The following KLF8 variants were observed in gnomAD, a reference collection of about 807,000 sequenced individuals.
KLF8 encodes KLF transcription factor 8.
Under a neutral mutation model 18.2 loss-of-function variants are expected in KLF8, and 10 were observed. That is an observed-to-expected ratio of 0.55 (90% CI 0.34 to 0.93). The LOEUF (loss-of-function observed/expected upper bound fraction) is 0.93. KLF8 is among the 40% of genes least tolerant of loss of function. The pLI, the probability that KLF8 is intolerant of heterozygous loss-of-function variation, is 0.02. For missense variants in KLF8, 264 were observed against 277.9 expected, an observed-to-expected ratio of 0.95 and a Z score of 0.36; for synonymous variants, 109 against 97.3, an observed-to-expected ratio of 1.12 and a Z score of -0.71.
chrX:56,106,425 C>CT, the KLF8 span, among the ~76,000 whole-genome samples: 1 of 111,655 alleles, frequency 9.0e-6, no homozygotes, highest in East Asian at 2.8e-4. Context: ...GTTTTTACCC[C>CT]TTTTTCTCTA....
At chrX:56,269,163 C>T (rs776903529) in intron 3 of KLF8, 57 of 997,813 alleles carry the variant, frequency 5.7e-5, no homozygotes, top group Non-Finnish European at 7.0e-5. Context: ...ACTACTCTTA[C>T]TTTAAAGGCA....
At chrX:55,995,687 A>G in the KLF8 span, among the ~76,000 whole-genome samples, 1 of 112,358 alleles carries the variant, frequency 8.9e-6, no homozygotes, top group Non-Finnish European at 1.9e-5. Context: ...TCCTTTCATT[A>G]AGAATGTCTA....
At chrX:55,983,801 A>G in the KLF8 span, among the ~76,000 whole-genome samples, 2 of 109,832 alleles carry the variant, frequency 1.8e-5, no homozygotes, top group African/African-American at 3.3e-5. Context: ...CTGTGGCTTC[A>G]TTGTCTATTA....
chrX:56,066,717 G>A, the KLF8 span, among the ~76,000 whole-genome samples: 1 of 111,274 alleles, frequency 9.0e-6, no homozygotes, highest in Non-Finnish European at 1.9e-5. Context: ...CTCCAAGGAT[G>A]TGAATATACA....
chrX:56,127,318 G>A, the KLF8 span, among the ~76,000 whole-genome samples: 2 of 110,880 alleles, frequency 1.8e-5, no homozygotes, highest in Non-Finnish European at 1.9e-5. Flanking sequence ...AAACACTGTA[G>A]CACTACAGAT....
At chrX:55,938,825 C>T in the KLF8 span, among the ~76,000 whole-genome samples, 1 of 111,844 alleles carries the variant, frequency 8.9e-6, no homozygotes, top group African/African-American at 3.3e-5. Context: ...GAAGACCTAA[C>T]TATCCGAAAT....
chrX:56,025,092 A>G, the KLF8 span, among the ~76,000 whole-genome samples: 2 of 112,368 alleles, frequency 1.8e-5, no homozygotes, highest in South Asian at 7.5e-4. Flanking sequence ...TCCCATGGCC[A>G]TTGATCTCCT....
At chrX:56,040,171 A>G in the KLF8 span, among the ~76,000 whole-genome samples, 1 of 111,524 alleles carries the variant, frequency 9.0e-6, no homozygotes, top group Non-Finnish European at 1.9e-5. Flanking sequence ...TCATCTGCAA[A>G]CAAAGATAAT....
the KLF8 span, among the ~76,000 whole-genome samples, chrX:56,020,868 ACTAATCAC>A: frequency 2.7e-5 from 3 of 111,981 alleles, no homozygotes; most frequent in Admixed American, 9.5e-5. Flanking sequence ...GCCCTACTGA[ACTAATCAC>A]CATTCCAATA....
the KLF8 span, among the ~76,000 whole-genome samples, chrX:56,084,385 C>T: frequency 2.7e-5 from 3 of 110,469 alleles, no homozygotes; most frequent in Non-Finnish European, 5.7e-5. Context: ...TGAAAACAAA[C>T]AAACAAACAA....
chrX:55,945,066 C>T, the KLF8 span, among the ~76,000 whole-genome samples: 1 of 111,241 alleles, frequency 9.0e-6, no homozygotes, highest in Admixed American at 9.6e-5. Context: ...ACATCTTTAT[C>T]TCTGCCTTCA....
At chrX:56,174,301 A>C in the KLF8 span, among the ~76,000 whole-genome samples, 83 of 112,140 alleles carry the variant, frequency 7.4e-4, no homozygotes, top group Non-Finnish European at 2.4e-4. Flanking sequence ...AGTTTTTAGC[A>C]TGAAGCATTG....
At chrX:56,191,164 G>T in the KLF8 span, among the ~76,000 whole-genome samples, 2 of 111,688 alleles carry the variant, frequency 1.8e-5, no homozygotes. Flanking sequence ...AGGATCATTA[G>T]TGGCTACTAT....
At chrX:56,196,993 C>A in the KLF8 span, among the ~76,000 whole-genome samples, 1 of 112,152 alleles carries the variant, frequency 8.9e-6, no homozygotes, top group Non-Finnish European at 1.9e-5. Context: ...TCCTGAATGA[C>A]TACTGGGTAG....
At chrX:56,134,113 C>T in the KLF8 span, among the ~76,000 whole-genome samples, 1 of 111,146 alleles carries the variant, frequency 9.0e-6, no homozygotes, top group Non-Finnish European at 1.9e-5. Context: ...ATATTCAATG[C>T]AATTCCCATA....
the KLF8 span, among the ~76,000 whole-genome samples, chrX:56,175,651 C>T: frequency 1.8e-5 from 2 of 111,003 alleles, no homozygotes; most frequent in African/African-American, 6.6e-5. Flanking sequence ...CCTTAATATC[C>T]TTATTAACTT....
chrX:56,099,924 G>A, the KLF8 span, among the ~76,000 whole-genome samples: 2 of 112,294 alleles, frequency 1.8e-5, no homozygotes, highest in Non-Finnish European at 3.8e-5. Context: ...AAATTATCCA[G>A]AAGATCTGGC....
chrX:56,073,289 C>A, the KLF8 span, among the ~76,000 whole-genome samples: 451 of 112,204 alleles, frequency 4.0e-3, 3 homozygotes, highest in Middle Eastern at 9.3e-3. Flanking sequence ...GCCCGGCCAG[C>A]ATTATGTTTT....
At chrX:56,052,950 T>A in the KLF8 span, among the ~76,000 whole-genome samples, 13 of 111,614 alleles carry the variant, frequency 1.2e-4, 1 homozygote, top group Middle Eastern at 0.032. Flanking sequence ...CCGAGCCAGG[T>A]GTGGGATATA....
Sources: gnomAD v4.1 joint callset for allele counts (sites outside exome capture counted in the v4.1 genomes callset) on GRCh38, gnomAD v4.1.1 for gene constraint, MANE v1.5 for transcripts, NCBI Gene and HGNC (gene_info 2026-07-23, HGNC 2026-07-21) for gene names.